KCNN2: variants seen among roughly 807,000 people sequenced by gnomAD.
KCNN2 encodes potassium calcium-activated channel subfamily N member 2.
In KCNN2, 24 loss-of-function variants were observed where a neutral mutation model predicts 55.5. That is an observed-to-expected ratio of 0.43 (90% confidence interval 0.31 to 0.61). The LOEUF (loss-of-function observed/expected upper bound fraction) is 0.61. Ranked by LOEUF, KCNN2 falls within the 20% of genes least tolerant of loss-of-function variation. The probability of loss-of-function intolerance (pLI) is 0.08; values close to 1 mark genes in which losing one functional copy is unlikely to be tolerated. For missense variants in KCNN2, 754 were observed against 853.6 expected, an observed-to-expected ratio of 0.88 and a Z score of 1.45; for synonymous variants, 431 against 336.1, an observed-to-expected ratio of 1.28 and a Z score of -3.09.
chr5:114,074,287 T>C (rs1580486207), intron 1 of KCNN2, among the ~76,000 whole-genome samples: 1 of 131,338 alleles, frequency 7.6e-6, no homozygotes, highest in South Asian at 2.7e-4. Context: ...TTAAAGGCCA[T>C]GTTTGCGTGT....
chr5:114,063,042 C>A (rs1580476044), intron 1 of KCNN2, among the ~76,000 whole-genome samples: 2 of 152,206 alleles, frequency 1.3e-5, no homozygotes, highest in South Asian at 2.1e-4. Flanking sequence ...AGAGTTTTTT[C>A]TTTCCATGTC....
chr5:114,259,562 A>C (rs969529252), intron 2 of KCNN2, among the ~76,000 whole-genome samples: 8 of 152,180 alleles, frequency 5.3e-5, no homozygotes, highest in African/African-American at 1.9e-4. Flanking sequence ...TGGCACATGT[A>C]TACATATGTA....
At chr5:114,330,415 T>G (rs1295234104) in intron 2 of KCNN2, among the ~76,000 whole-genome samples, 9 of 152,230 alleles carry the variant, frequency 5.9e-5, no homozygotes, top group Non-Finnish European at 1.3e-4. Context: ...ATTTACATAC[T>G]TATTACATTT....
At chr5:114,091,462 A>C (rs2112555774) in intron 1 of KCNN2, among the ~76,000 whole-genome samples, 1 of 152,318 alleles carries the variant, frequency 6.6e-6, no homozygotes, top group Non-Finnish European at 1.5e-5. Flanking sequence ...GAAGAGATAA[A>C]AAATATTTCC....
Position 114,143,709 on chromosome 5 carries a change from T to C in KCNN2, c.-270-77771T>C, listed in dbSNP as rs184584910. Among the ~76,000 whole-genome samples, 43 of 152,320 alleles carry C rather than the reference T, an allele frequency of 2.8e-4. No homozygotes were observed. The East Asian group carries it at 4.4e-3, about 16-fold the overall frequency. On this transcript the variant is annotated intron_variant, in intron 1 of 10. Coordinates refer to the KCNN2 transcript ENST00000512097. ...AGTACTTCATGTGCCGTTGGCTCATTCTGGCAGTCCAGCCTGGCATTGTCT... is the reference window on the plus strand; with the variant it reads ...AGTACTTCATGTGCCGTTGGCTCATCCTGGCAGTCCAGCCTGGCATTGTCT...
intron 1 of KCNN2, among the ~76,000 whole-genome samples, chr5:114,059,908 G>A (rs1750290948): frequency 6.6e-6 from 1 of 152,164 alleles, no homozygotes; most frequent in Non-Finnish European, 1.5e-5. Context: ...GGACTGAAGT[G>A]GGTGAATGAA....
intron 2 of KCNN2, among the ~76,000 whole-genome samples, chr5:114,245,028 A>G (rs1259363667): frequency 2.0e-5 from 3 of 152,238 alleles, no homozygotes; most frequent in Non-Finnish European, 4.4e-5. Context: ...ATAGTTGTAC[A>G]AGGCAGTGGC....
intron 1 of KCNN2, among the ~76,000 whole-genome samples, chr5:114,088,361 T>C (rs1187579328): frequency 6.6e-6 from 1 of 151,958 alleles, no homozygotes; most frequent in Non-Finnish European, 1.5e-5. Flanking sequence ...ATAGTATTTT[T>C]GTGTGTGTTT....
chr5:114,244,465 C>T (rs192071272), intron 2 of KCNN2, among the ~76,000 whole-genome samples: 105 of 152,018 alleles, frequency 6.9e-4, no homozygotes, highest in South Asian at 5.2e-3. Context: ...GGCGTGGTGG[C>T]GGGCACCTGT....
chr5:114,233,314 T>C (rs1754401954), intron 2 of KCNN2, among the ~76,000 whole-genome samples: 2 of 152,202 alleles, frequency 1.3e-5, no homozygotes, highest in Admixed American at 1.3e-4. Flanking sequence ...ATTAAGGTGA[T>C]AGGCAACTTT....
chr5:114,105,739 T>C (rs755147056), intron 1 of KCNN2, among the ~76,000 whole-genome samples: 3 of 138,982 alleles, frequency 2.2e-5, no homozygotes, highest in Non-Finnish European at 4.4e-5. Context: ...GGAATTAAAG[T>C]TAGTCCTGAG....
intron 1 of KCNN2, among the ~76,000 whole-genome samples, chr5:114,096,175 T>C (rs1197456794): frequency 6.6e-6 from 1 of 152,166 alleles, no homozygotes; most frequent in Non-Finnish European, 1.5e-5. Flanking sequence ...TTCTGTGATA[T>C]TGGCTATGAA....
intron 3 of KCNN2, among the ~76,000 whole-genome samples, chr5:114,418,928 G>A (rs947898101): frequency 2.0e-5 from 3 of 152,112 alleles, no homozygotes; most frequent in Non-Finnish European, 2.9e-5. Flanking sequence ...AAACCCCCAC[G>A]TTTCACTTCC....
chr5:114,472,287 C>T (rs2150123915), intron 4 of KCNN2, among the ~76,000 whole-genome samples: 1 of 152,326 alleles, frequency 6.6e-6, no homozygotes, highest in Admixed American at 6.5e-5. Context: ...ACACCTTGAT[C>T]ACGGAGCGGG....
chr5:114,289,468 G>T (rs1428098257), intron 2 of KCNN2, among the ~76,000 whole-genome samples: 1 of 149,784 alleles, frequency 6.7e-6, no homozygotes, highest in Non-Finnish European at 1.5e-5. Context: ...CCTCCACCTC[G>T]CAGATTCAAG....
intron 3 of KCNN2, among the ~76,000 whole-genome samples, chr5:114,432,787 G>C (rs546066601): frequency 4.5e-4 from 69 of 152,338 alleles, no homozygotes; most frequent in Middle Eastern, 3.4e-3. Context: ...CAGCCGGCCA[G>C]CCCTGCCGGC....
At chr5:114,299,659 C>G (rs1276671214) in intron 2 of KCNN2, among the ~76,000 whole-genome samples, 1 of 152,168 alleles carries the variant, frequency 6.6e-6, no homozygotes, top group Non-Finnish European at 1.5e-5. Flanking sequence ...AGTCCCATCT[C>G]TGGGCACTGG....
At chr5:114,361,330 C>G (rs1188713747), upstream of KCNN2, among the ~76,000 whole-genome samples, 1 of 152,086 alleles carries the variant, frequency 6.6e-6, no homozygotes, top group Non-Finnish European at 1.5e-5. Context: ...GCTAGAGCGC[C>G]GCGCACCCAA....
At chr5:114,446,044 C>T (rs377245565) in intron 3 of KCNN2, among the ~76,000 whole-genome samples, 3 of 152,174 alleles carry the variant, frequency 2.0e-5, no homozygotes, top group East Asian at 1.9e-4. Context: ...TCTGGATAGA[C>T]GTTACTGGCC....
Sources: allele counts gnomAD v4.1 joint callset (sites outside exome capture counted in the v4.1 genomes callset), GRCh38; gene constraint gnomAD v4.1.1; transcripts MANE v1.5; gene names NCBI Gene and HGNC (gene_info 2026-07-23, HGNC 2026-07-21).